The following DENR variants were observed in gnomAD, a reference collection of about 807,000 sequenced individuals.
The protein encoded by DENR is density-regulated protein.
A neutral mutation model predicts 30.6 loss-of-function variants in DENR; 6 were observed. The observed-to-expected ratio is 0.20, with a 90% CI of 0.11 to 0.39. The LOEUF (loss-of-function observed/expected upper bound fraction) is 0.39. DENR is among the 10% of genes least tolerant of loss of function. The probability of loss-of-function intolerance (pLI) is 1.00; values close to 1 mark genes in which losing one functional copy is unlikely to be tolerated. For missense variants in DENR, 141 were observed against 230.9 expected (o/e 0.61, Z 2.52); for synonymous variants, 78 against 72.1 (o/e 1.08, Z -0.41).
At position 122,769,289 on chromosome 12, in the gene DENR, T is replaced by TATATACATACAC. The variant is rs1566061631; in HGVS notation, c.*215_*216insACATACACATAT. On this transcript the variant is annotated 3_prime_UTR_variant, in exon 8 of 8. Transcript: ENST00000280557. The stretch of plus-strand genomic sequence containing the variant: ...ACATATATGTATACATATATACACA[T>TATATACATACAC]ATATGTATACATATATACACATATG... 1 of 798,768 alleles carries TATATACATACAC rather than the reference T, an allele frequency of 1.3e-6. No homozygotes were observed. Among genetic ancestry groups the TATATACATACAC allele is most frequent in the African/African-American group, 2.9e-5 (1 of 34,988 alleles). The allele number at this position is 798,768 out of a possible 1,614,324, so 49.5% of individuals were successfully genotyped here. A position where few individuals can be genotyped will look rare whatever the true frequency, so the allele number is the denominator to read the frequency against.
chr12:122,754,589 G>A (rs1230516131), intron 2 of DENR, among the ~76,000 whole-genome samples: 2 of 152,160 alleles, frequency 1.3e-5, no homozygotes, highest in Non-Finnish European at 1.5e-5. Context: ...TAAGTCAGAA[G>A]ATCCTTGTTC....
chr12:122,769,057 T>C lies in DENR; in HGVS notation c.576T>C (p.Asp192=), dbSNP rs1313106420. Residue 192 remains aspartate (D), a synonymous_variant, in exon 8 of 8, where the codon GAT becomes GAC. Coordinates refer to ENST00000280557, the MANE Select transcript of DENR (RefSeq NM_003677.5). The part of the protein sequence containing the change: ...WPEVDDDSIE[D]LGEVKK ...AGGTAGATGATGACAGCATCGAAGATCTTGGAGAAGTAAAGAAGTGAATTT... is the reference window on the plus strand; with the variant it reads ...AGGTAGATGATGACAGCATCGAAGACCTTGGAGAAGTAAAGAAGTGAATTT... 1 of 1,610,610 alleles carries C rather than the reference T, an allele frequency of 6.2e-7. No homozygotes were observed. Among genetic ancestry groups the C allele is most frequent in the Non-Finnish European group, 8.5e-7 (1 of 1,178,826 alleles).
intron 4 of DENR, among the ~76,000 whole-genome samples, chr12:122,764,481 C>T (rs1878793083): frequency 6.6e-6 from 1 of 152,110 alleles, no homozygotes; most frequent in Non-Finnish European, 1.5e-5. Flanking sequence ...CGCCTGTAGT[C>T]CCAGCTACTT....
chr12:122,754,408 T>C (rs1878495289), intron 2 of DENR: 1 of 153,028 alleles, frequency 6.5e-6, no homozygotes, highest in Non-Finnish European at 1.5e-5. Flanking sequence ...ATTTTCAATA[T>C]AGAAATATTT....
rs1340551678 is a variant in DENR at position 122,767,569 on chromosome 12, A to T, written c.377A>T (p.Lys126Ile). 6.2e-7 allele frequency: 1 copy of T among 1,602,924 alleles called. No homozygotes were observed. Among genetic ancestry groups the T allele is most frequent in the East Asian group, 2.2e-5 (1 of 44,646 alleles). The change falls in exon 6 of 8, where the codon AAA becomes ATA. Residue 126 changes from lysine to isoleucine, a missense_variant. By Grantham distance (102) the Lys-to-Ile change is moderately radical (BLOSUM62 -3). This residue lies in a region of DENR where 37 missense variants were observed against 92.6 expected (regional missense o/e 0.40). Transcript: ENST00000280557. ...GCCAAAATTCCCAGAGCAAAGAAGA[A>T]ATATGTGACAAGAGTATGTGGCCTT... ...TIAKIPRAKK[K>I]YVTRVCGLAT...
chr12:122,767,251 G>A (rs2135512775), intron 5 of DENR, among the ~76,000 whole-genome samples: 1 of 152,308 alleles, frequency 6.6e-6, no homozygotes, highest in East Asian at 1.9e-4. Context: ...TCACTAGACT[G>A]AGTCTCTGGA....
In DENR at chr12:122,762,906, A is replaced by T; in HGVS notation, c.188A>T (p.Asn63Ile). Residue 63 changes from asparagine (N) to isoleucine (I), a missense_variant, in exon 4 of 8, where the codon AAT (asparagine) becomes ATT (isoleucine). Coordinates refer to ENST00000280557, the MANE Select transcript of DENR (RefSeq NM_003677.5). ...CRQWLEKNFP[N>I]EFAKLTVENS... ...CAATGGTTAGAGAAGAATTTTCCAA[A>T]TGAATTTGCAAAACTTACTGTAGGT... is the stretch of plus-strand genomic sequence containing the variant. The T allele has an allele frequency of 6.5e-7, 1 of 1,548,558 alleles. No individual in the cohort carries two copies. Among genetic ancestry groups the T allele is most frequent in the South Asian group, 1.2e-5 (1 of 83,008 alleles).
At chr12:122,762,777 T>G (rs1878736772) in intron 3 of DENR, 68 bp from the exon 4 acceptor site, 1 of 1,107,706 alleles carries the variant, frequency 9.0e-7, no homozygotes, top group Non-Finnish European at 1.3e-6. Context: ...AGGGGGTGAT[T>G]TTTAATTACG....
intron 4 of DENR, 84 bp from the exon 5 acceptor site, chr12:122,765,219 TA>T (rs1878815893): frequency 1.5e-5 from 15 of 1,032,260 alleles, no homozygotes; most frequent in Non-Finnish European, 1.7e-5. Flanking sequence ...GCCTTATTTG[TA>T]TATGAGGTTG....
At chr12:122,760,620 A>G (rs780806715) in intron 2 of DENR, among the ~76,000 whole-genome samples, 1 of 152,100 alleles carries the variant, frequency 6.6e-6, no homozygotes, top group Non-Finnish European at 1.5e-5. Flanking sequence ...AGTCCCAGCT[A>G]CTCTGGAGAC....
At chr12:122,763,042 T>G (rs1878745698) in intron 4 of DENR, 113 bp downstream of exon 4, 1 of 647,262 alleles carries the variant, frequency 1.5e-6, no homozygotes, top group Non-Finnish European at 2.7e-6. Context: ...AGAATTAACA[T>G]TTATCTGTTA....
In DENR at chr12:122,769,254, A is replaced by ACACATATATG. The variant is rs1878947593; in HGVS notation, c.*176_*177insCACATATATG. 1.4e-6 allele frequency: 1 copy of ACACATATATG among 704,588 alleles called. No individual in the cohort carries two copies. Among genetic ancestry groups the ACACATATATG allele is most frequent in the African/African-American group, 2.0e-5 (1 of 49,578 alleles). The allele number at this position is 704,588 out of a possible 1,614,324, so 43.6% of individuals were successfully genotyped here. A position where few individuals can be genotyped will look rare whatever the true frequency, so the allele number is the denominator to read the frequency against. On this transcript the variant is annotated 3_prime_UTR_variant, in exon 8 of 8. Transcript: ENST00000280557. Reference sequence around the variant, plus strand: ...TGTGTGTATGTATACATGTATATATATATACATACACATATATGTATACAT... The same window carrying ACACATATATG: ...TGTGTGTATGTATACATGTATATATACACATATATGTATACATACACATATATGTATACAT...
At position 122,769,432 on chromosome 12, in the gene DENR, G is replaced by C. The variant is rs1259234945; in HGVS notation, c.*354G>C. 1.7e-5 allele frequency: 17 copies of C among 986,762 alleles called. No individual in the cohort carries two copies. In the East Asian group the frequency reaches 3.4e-4, roughly 20 times the overall value. The allele number at this position is 986,762 out of a possible 1,614,324, so 61.1% of individuals were successfully genotyped here. ...GCCAAAGTCAAATAAACGGGAGACT[G>C]TCATGCTCATGCATGAATAGAATTT... On this transcript the variant is annotated 3_prime_UTR_variant, in exon 8 of 8. Coordinates refer to ENST00000280557, the MANE Select transcript of DENR (RefSeq NM_003677.5).
chr12:122,770,592 A>G lies in DENR; in HGVS notation c.*1514A>G. The stretch of plus-strand genomic sequence containing the variant: ...ACATGTCTTCTCACAAGAGAAAATG[A>G]CAGTTTTAATGATGTATTTGATGAA... On this transcript the variant is annotated 3_prime_UTR_variant, in exon 8 of 8. Transcript: ENST00000280557. 2.5e-6 allele frequency: 1 copy of G among 398,520 alleles called. No individual in the cohort carries two copies. The highest frequency in any genetic ancestry group is 1.3e-4 in the South Asian group (1 of 7,862). The allele number at this position is 398,520 out of a possible 1,614,324, so 24.7% of individuals were successfully genotyped here. A position where few individuals can be genotyped will look rare whatever the true frequency, so the allele number is the denominator to read the frequency against.
intron 5 of DENR, among the ~76,000 whole-genome samples, chr12:122,766,927 G>A (rs1878866383): frequency 6.6e-6 from 1 of 151,900 alleles, no homozygotes; most frequent in Non-Finnish European, 1.5e-5. Flanking sequence ...TGCTTTTCTG[G>A]CTCCATCTGC....
intron 2 of DENR, among the ~76,000 whole-genome samples, chr12:122,761,869 G>A (rs144461634): frequency 2.6e-5 from 4 of 152,116 alleles, no homozygotes; most frequent in Non-Finnish European, 5.9e-5. Flanking sequence ...GAAATTGTTC[G>A]TGTCTTAGCT....
At chr12:122,756,907 A>G (rs1323068422) in intron 2 of DENR, among the ~76,000 whole-genome samples, 1 of 152,226 alleles carries the variant, frequency 6.6e-6, no homozygotes, top group African/African-American at 2.4e-5. Context: ...TTTAGACAAA[A>G]TTAATGAGCA....
At chr12:122,767,085 C>T (rs1179841233) in intron 5 of DENR, among the ~76,000 whole-genome samples, 2 of 152,142 alleles carry the variant, frequency 1.3e-5, no homozygotes, top group African/African-American at 4.8e-5. Context: ...TTTCCTTATT[C>T]TTCACAACTC....
At position 122,764,366 on chromosome 12, in the gene DENR, G is replaced by A. The variant is rs531876706; in HGVS notation, c.212-938G>A. Reference sequence around the variant, plus strand: ...TGTAATCCCAGCACTTTGGGAGGCCGAGGCAGGCGGATCACAAGGTCAGGA... The same window carrying A: ...TGTAATCCCAGCACTTTGGGAGGCCAAGGCAGGCGGATCACAAGGTCAGGA... On this transcript the variant is annotated intron_variant, in intron 4 of 7. Coordinates refer to ENST00000280557, the MANE Select transcript of DENR (RefSeq NM_003677.5). Among the ~76,000 whole-genome samples, 165 of 152,272 alleles carry A rather than the reference G, an allele frequency of 1.1e-3. No homozygotes were observed. The Middle Eastern group carries it at 0.017, about 16-fold the overall frequency.
Sources: allele counts gnomAD v4.1 joint callset (sites outside exome capture counted in the v4.1 genomes callset), GRCh38; gene constraint gnomAD v4.1.1; regional missense constraint gnomAD v4.1.1; transcripts MANE v1.5; gene names NCBI Gene and HGNC (gene_info 2026-07-23, HGNC 2026-07-21).